The following ZNF678 variants were observed in gnomAD, a reference collection of about 807,000 sequenced individuals.
ZNF678 encodes zinc finger protein 678.
A neutral mutation model predicts 3.0 loss-of-function variants in ZNF678; 5 were observed. That is an observed-to-expected ratio of 1.69 (90% CI 0.88 to 3.56). The LOEUF (loss-of-function observed/expected upper bound fraction) is 3.56. Among genes scored for constraint, ZNF678 ranks in the 30% most tolerant of loss-of-function variants. The pLI is 0.00. For missense variants in ZNF678, 593 were observed against 605.0 expected, an observed-to-expected ratio of 0.98 and a Z score of 0.21; for synonymous variants, 218 against 199.6, an observed-to-expected ratio of 1.09 and a Z score of -0.78.
intron 1 of ZNF678, among the ~76,000 whole-genome samples, chr1:227,611,038 AC>A (rs1658004312): frequency 6.6e-6 from 1 of 152,170 alleles, no homozygotes; most frequent in Non-Finnish European, 1.5e-5. Context: ...ACTGTTACTG[AC>A]CTGGCAGACA....
intron 1 of ZNF678, among the ~76,000 whole-genome samples, chr1:227,616,128 C>T (rs1320119430): frequency 6.6e-6 from 1 of 152,142 alleles, no homozygotes; most frequent in East Asian, 1.9e-4. Flanking sequence ...CCCAAGAGGC[C>T]GTGGTGGTCC....
intron 1 of ZNF678, among the ~76,000 whole-genome samples, chr1:227,611,616 C>T (rs552650173): frequency 3.9e-5 from 6 of 152,188 alleles, no homozygotes; most frequent in African/African-American, 1.4e-4. Flanking sequence ...GGCTCTTCCA[C>T]TAGTCCCATG....
At chr1:227,636,609 C>T (rs1189157631) in intron 1 of ZNF678, among the ~76,000 whole-genome samples, 2 of 152,208 alleles carry the variant, frequency 1.3e-5, no homozygotes, top group Non-Finnish European at 1.5e-5. Context: ...CTATTTGTCC[C>T]TTTGCCATCT....
intron 1 of ZNF678, among the ~76,000 whole-genome samples, chr1:227,608,967 T>C (rs1657946990): frequency 6.6e-6 from 1 of 152,134 alleles, no homozygotes; most frequent in Admixed American, 6.5e-5. Flanking sequence ...AGAATTAAGG[T>C]ATTCCAAATT....
intron 5 of ZNF678, among the ~76,000 whole-genome samples, chr1:227,669,688 A>G (rs1320626170): frequency 6.6e-6 from 1 of 151,848 alleles, no homozygotes; most frequent in African/African-American, 2.4e-5. Context: ...CAGAATAGCT[A>G]TTATCAAAAA....
intron 1 of ZNF678, among the ~76,000 whole-genome samples, chr1:227,581,392 G>GA (rs1269574824): frequency 6.6e-6 from 1 of 151,752 alleles, no homozygotes; most frequent in Non-Finnish European, 1.5e-5. Flanking sequence ...AGAAAGAAAG[G>GA]AAAAATTAAA....
rs1659285783 is a variant in ZNF678, at chr1:227,657,683, A to C, written c.*1855A>C. The C allele has an allele frequency of 6.6e-6, 1 of 152,030 alleles. No homozygotes were observed. Among genetic ancestry groups the C allele is most frequent in the African/African-American group, 2.4e-5 (1 of 41,436 alleles). The allele number at this position is 152,030 out of a possible 1,614,324, so 9.4% of individuals were successfully genotyped here. ...GTTAATTTTATAAGTCTGTCACTCT[A>C]AACATAAGTGTTAGCTTTAAGAGAA... is the stretch of plus-strand genomic sequence containing the variant. On this transcript the variant is annotated 3_prime_UTR_variant, in exon 4 of 4. Transcript: ENST00000343776.
At chr1:227,662,763 G>T (rs111944932), downstream of ZNF678, among the ~76,000 whole-genome samples, 1,025 of 152,240 alleles carry the variant, frequency 6.7e-3, 2 homozygotes, top group Non-Finnish European at 9.9e-3. Context: ...AGAGACTGCT[G>T]GGGACACTAT....
At chr1:227,597,514 T>A (rs1390580541) in intron 1 of ZNF678, among the ~76,000 whole-genome samples, 2 of 152,220 alleles carry the variant, frequency 1.3e-5, no homozygotes, top group Non-Finnish European at 1.5e-5. Context: ...AGTACCAGTG[T>A]CTATTTAAAA....
chr1:227,568,573 C>T (rs1375424081), intron 1 of ZNF678, among the ~76,000 whole-genome samples: 1 of 152,214 alleles, frequency 6.6e-6, no homozygotes, highest in South Asian at 2.1e-4. Context: ...GTATACAGAT[C>T]TTTCATTTGG....
downstream of ZNF678, among the ~76,000 whole-genome samples, chr1:227,663,916 T>C (rs1659458970): frequency 6.6e-6 from 1 of 152,192 alleles, no homozygotes; most frequent in Admixed American, 6.5e-5. Flanking sequence ...AGCCCAGTGC[T>C]AGATATGCTC....
downstream of ZNF678, among the ~76,000 whole-genome samples, chr1:227,677,873 C>T (rs1014429692): frequency 3.3e-5 from 5 of 152,212 alleles, no homozygotes; most frequent in Non-Finnish European, 7.3e-5. Context: ...TGTCCAAGGG[C>T]TCCCTGCCAA....
At chr1:227,600,445 GT>G (rs1261395356) in intron 1 of ZNF678, among the ~76,000 whole-genome samples, 2 of 151,690 alleles carry the variant, frequency 1.3e-5, no homozygotes, top group East Asian at 3.9e-4. Flanking sequence ...TAAGCGTTTT[GT>G]TTTGTTTTGT....
intron 1 of ZNF678, among the ~76,000 whole-genome samples, chr1:227,575,913 G>T (rs192945942): frequency 3.8e-4 from 58 of 152,262 alleles, no homozygotes; most frequent in African/African-American, 1.2e-3. Context: ...TTTGAGGTAT[G>T]TTCCTTCAAT....
Position 227,654,357 on chromosome 1 carries a change from A to G in ZNF678, c.107A>G (p.Gln36Arg). The change falls in exon 4 of 4, where the codon CAA becomes CGA. Residue 36 changes from glutamine to arginine, a missense_variant. Transcript: ENST00000343776. Reference sequence around the variant, plus strand: ...TCAGCTATTTTATCTTATTCCATTCAAGACCTTTTGCCAGAGCAGGATATG... The same window carrying G: ...TCAGCTATTTTATCTTATTCCATTCGAGACCTTTTGCCAGAGCAGGATATG... The part of the protein sequence containing the change: ...VYTAILSYSI[Q>R]DLLPEQDMKD... The G allele has an allele frequency of 6.4e-7, 1 of 1,564,512 alleles. No homozygotes were observed.
intron 1 of ZNF678, among the ~76,000 whole-genome samples, chr1:227,594,235 A>G (rs1015823104): frequency 1.3e-5 from 2 of 152,138 alleles, no homozygotes; most frequent in Admixed American, 6.5e-5. Context: ...ACATTTAACA[A>G]TGCTTTTTGT....
At chr1:227,639,012 G>A (rs1658749629) in intron 1 of ZNF678, among the ~76,000 whole-genome samples, 1 of 152,196 alleles carries the variant, frequency 6.6e-6, no homozygotes, top group Non-Finnish European at 1.5e-5. Flanking sequence ...CCTTTCCAGG[G>A]CACCGTCAGT....
At chr1:227,679,322 A>C (rs910779517), downstream of ZNF678, among the ~76,000 whole-genome samples, 2 of 152,186 alleles carry the variant, frequency 1.3e-5, no homozygotes, top group Non-Finnish European at 2.9e-5. Flanking sequence ...AGTAAAAACT[A>C]AAAGGCAGAA....
intron 1 of ZNF678, among the ~76,000 whole-genome samples, chr1:227,591,081 G>T (rs12134544): frequency 0.038 from 5,787 of 151,690 alleles, 209 homozygotes; most frequent in Non-Finnish European, 0.057. Flanking sequence ...CTACATGCTC[G>T]GCTAATTGCA....
Sources: gnomAD v4.1 joint callset for allele counts (sites outside exome capture counted in the v4.1 genomes callset) on GRCh38, gnomAD v4.1.1 for gene constraint, MANE v1.5 for transcripts, NCBI Gene and HGNC (gene_info 2026-07-23, HGNC 2026-07-21) for gene names.